FAM13A: variants seen among roughly 807,000 people sequenced by gnomAD.
FAM13A encodes the protein protein FAM13A.
A neutral mutation model predicts 129.6 loss-of-function variants in FAM13A; 76 were observed. The observed-to-expected ratio is 0.59, with a 90% CI of 0.49 to 0.71. FAM13A has a LOEUF of 0.71. FAM13A is among the 30% of genes least tolerant of loss of function. The probability of loss-of-function intolerance (pLI) is 0.00; values close to 1 mark genes in which losing one functional copy is unlikely to be tolerated. For synonymous variants in FAM13A, 443 were observed against 449.9 expected (o/e 0.98, Z 0.20); for missense variants, 1,108 against 1,249.3 (o/e 0.89, Z 1.70).
intron 1 of FAM13A, among the ~76,000 whole-genome samples, chr4:89,031,454 CCT>C (rs1228718848): frequency 6.6e-6 from 1 of 152,106 alleles, no homozygotes; most frequent in African/African-American, 2.4e-5. Context: ...AGTCATATAA[CCT>C]CTGTGTACCT....
At chr4:88,890,574 T>C (rs1305592178) in intron 6 of FAM13A, among the ~76,000 whole-genome samples, 3 of 152,146 alleles carry the variant, frequency 2.0e-5, no homozygotes, top group Admixed American at 6.5e-5. Context: ...ATATTTAAAA[T>C]ATATGTCTAT....
chr4:89,044,217 G>C (rs1408428866), intron 1 of FAM13A, among the ~76,000 whole-genome samples: 2 of 151,886 alleles, frequency 1.3e-5, no homozygotes, highest in Non-Finnish European at 2.9e-5. Context: ...GTAAAGAATT[G>C]CAACAATTCA....
chr4:89,046,389 G>A (rs1380313209), intron 1 of FAM13A, among the ~76,000 whole-genome samples: 2 of 152,172 alleles, frequency 1.3e-5, no homozygotes, highest in East Asian at 1.9e-4. Context: ...GTAAATGGCA[G>A]TTACATGGAG....
At position 88,907,206 on chromosome 4, in the gene FAM13A, C is replaced by A. The variant is rs982534995; in HGVS notation, c.760-744G>T. On this transcript the variant is annotated intron_variant, in intron 5 of 23. Transcript: ENST00000264344. ...TTGGATAAGCTTTCCATAGATGATTCCATCTCCAAATTAAGATAGGAAAAT... is the reference window on the plus strand; with the variant it reads ...TTGGATAAGCTTTCCATAGATGATTACATCTCCAAATTAAGATAGGAAAAT... 2.0e-5 allele frequency among the ~76,000 whole-genome samples: 3 copies of A among 152,216 alleles called. No homozygotes were observed. The East Asian group carries it at 5.8e-4, about 29-fold the overall frequency.
At chr4:88,745,005 C>G (rs528141134) in intron 19 of FAM13A, among the ~76,000 whole-genome samples, 1 of 152,250 alleles carries the variant, frequency 6.6e-6, no homozygotes, top group Admixed American at 6.5e-5. Flanking sequence ...CACATTCTTT[C>G]GCCTGATTTA....
At chr4:89,010,516 A>G (rs1354398590) in intron 3 of FAM13A, among the ~76,000 whole-genome samples, 1 of 152,220 alleles carries the variant, frequency 6.6e-6, no homozygotes, top group Non-Finnish European at 1.5e-5. Flanking sequence ...TGAGGAGCTG[A>G]AGCACTTTAA....
intron 4 of FAM13A, among the ~76,000 whole-genome samples, chr4:88,980,520 A>T (rs1761515905): frequency 6.6e-6 from 1 of 152,216 alleles, no homozygotes; most frequent in South Asian, 2.1e-4. Context: ...AGGCAGAGAA[A>T]GGCCAAACTT....
chr4:88,772,705 A>G (rs558600073), intron 11 of FAM13A, among the ~76,000 whole-genome samples: 300 of 152,348 alleles, frequency 2.0e-3, no homozygotes, highest in Non-Finnish European at 3.4e-3. Context: ...ACATGGTCAG[A>G]ACACTTACAT....
At chr4:88,948,738 C>T (rs946683315) in intron 4 of FAM13A, among the ~76,000 whole-genome samples, 1 of 152,184 alleles carries the variant, frequency 6.6e-6, no homozygotes, top group Non-Finnish European at 1.5e-5. Flanking sequence ...ATCCAACCAC[C>T]TCGGCCTCCC....
chr4:88,753,218 G>C (rs1234021689), intron 14 of FAM13A, among the ~76,000 whole-genome samples: 4 of 152,234 alleles, frequency 2.6e-5, no homozygotes, highest in African/African-American at 9.6e-5. Flanking sequence ...TTATAAGAGT[G>C]TGTGATAAGA....
In FAM13A at chr4:88,744,492, G is replaced by A. The variant is rs78698922; in HGVS notation, c.2466+2440C>T. Among the ~76,000 whole-genome samples the A allele has an allele frequency of 1.1e-4, 16 of 152,200 alleles. No individual in the cohort carries two copies. In the East Asian group the frequency reaches 2.7e-3, roughly 26 times the overall value. On this transcript the variant is annotated intron_variant, in intron 19 of 23. Transcript: ENST00000264344. ...AGCTTTGCTAAAAATGTACAGAAGC[G>A]GCTGATTACAGTTTTGGCCTAAGAT...
chr4:88,978,686 G>C (rs928757938), intron 4 of FAM13A, among the ~76,000 whole-genome samples: 42 of 151,992 alleles, frequency 2.8e-4, no homozygotes, highest in Non-Finnish European at 1.0e-4. Flanking sequence ...CCCAGCTGCT[G>C]GGGAGGCTGA....
intron 17 of FAM13A, 75 bp from the exon 18 acceptor site, chr4:88,747,926 G>C: frequency 9.0e-7 from 1 of 1,116,750 alleles, no homozygotes; most frequent in East Asian, 2.5e-5. Context: ...GTCTCGCTCT[G>C]TCGCCCAGGT....
chr4:89,006,440 C>A (rs1200823006), intron 3 of FAM13A, among the ~76,000 whole-genome samples: 1 of 152,176 alleles, frequency 6.6e-6, no homozygotes, highest in Non-Finnish European at 1.5e-5. Flanking sequence ...ATTCCCTGCG[C>A]CCCACTGTGG....
chr4:89,017,858 C>T (rs951925611), intron 3 of FAM13A, among the ~76,000 whole-genome samples: 5 of 152,086 alleles, frequency 3.3e-5, no homozygotes, highest in African/African-American at 4.8e-5. Context: ...TAGCAAGCCT[C>T]GAACATGTCA....
chr4:88,972,242 C>T (rs1475755389), intron 4 of FAM13A, among the ~76,000 whole-genome samples: 1 of 151,736 alleles, frequency 6.6e-6, no homozygotes, highest in East Asian at 1.9e-4. Context: ...AGCAGGTCTA[C>T]TGTCAACAAA....
At chr4:88,952,559 T>C (rs1757100862) in intron 4 of FAM13A, among the ~76,000 whole-genome samples, 1 of 152,122 alleles carries the variant, frequency 6.6e-6, no homozygotes, top group African/African-American at 2.4e-5. Flanking sequence ...AGAAAGAAGA[T>C]CATATTATTC....
At chr4:88,919,085 T>C (rs1294741046) in intron 5 of FAM13A, among the ~76,000 whole-genome samples, 1 of 152,194 alleles carries the variant, frequency 6.6e-6, no homozygotes, top group Admixed American at 6.5e-5. Flanking sequence ...TATTTTCCCA[T>C]AAATAGCTAT....
At chr4:88,830,521 TATTA>T (rs1161801163) in intron 7 of FAM13A, among the ~76,000 whole-genome samples, 1 of 152,364 alleles carries the variant, frequency 6.6e-6, no homozygotes, top group South Asian at 2.1e-4. Flanking sequence ...CTCATTTATT[TATTA>T]GATTTATCCA....
Sources: allele counts gnomAD v4.1 joint callset (sites outside exome capture counted in the v4.1 genomes callset), GRCh38; gene constraint gnomAD v4.1.1; transcripts MANE v1.5; gene names NCBI Gene and HGNC (gene_info 2026-07-23, HGNC 2026-07-21).